The following GPATCH2 variants were observed in gnomAD, a reference collection of about 807,000 sequenced individuals.
GPATCH2 encodes G patch domain-containing protein 2.
In GPATCH2, 51 loss-of-function variants were observed where a neutral mutation model predicts 58.0. The ratio of observed to expected loss-of-function variants is 0.88; its 90% CI spans 0.70 to 1.11. The LOEUF (loss-of-function observed/expected upper bound fraction) is 1.11. GPATCH2 is among the 50% of genes most tolerant of loss of function. GPATCH2 has a pLI of 0.00. For synonymous variants in GPATCH2, 222 were observed against 218.5 expected, an observed-to-expected ratio of 1.02 and a Z score of -0.14; for missense variants, 625 against 652.2, an observed-to-expected ratio of 0.96 and a Z score of 0.45.
At chr1:217,454,857 C>T (rs186180016) in intron 8 of GPATCH2, among the ~76,000 whole-genome samples, 1 of 151,802 alleles carries the variant, frequency 6.6e-6, no homozygotes, top group Non-Finnish European at 1.5e-5. Context: ...TGGTCTCAAA[C>T]TCCTGACCTC....
chr1:217,455,425 C>A (rs1274261051), intron 8 of GPATCH2, among the ~76,000 whole-genome samples: 1 of 152,138 alleles, frequency 6.6e-6, no homozygotes, highest in Non-Finnish European at 1.5e-5. Context: ...TAACCTTCCA[C>A]CACATGTAGT....
rs757315065 is a variant in GPATCH2 at position 217,620,081 on chromosome 1, G to A, written c.475C>T (p.Arg159Cys). The A allele has an allele frequency of 4.8e-5, 78 of 1,613,804 alleles. No individual in the cohort carries two copies. The highest frequency in any genetic ancestry group is 6.0e-5 in the Non-Finnish European group (71 of 1,179,998). ...AVDNVGNRTL[R>C]RRRKVKRMAV... ...ATGCGTTTTACCTTTCTCCTCCTGC[G>A]CAGAGTTCTATTCCCAACATTGTCC... is the stretch of plus-strand genomic sequence containing the variant. The change falls in exon 2 of 10, where the codon CGC becomes TGC. Residue 159 changes from arginine (R) to cysteine (C), a missense_variant. Arg to Cys is a radical substitution (Grantham distance 180, BLOSUM62 -3). Coordinates refer to ENST00000366935, the MANE Select transcript of GPATCH2 (RefSeq NM_018040.5).
At chr1:217,515,155 G>T (rs1282735225) in intron 5 of GPATCH2, among the ~76,000 whole-genome samples, 4 of 150,936 alleles carry the variant, frequency 2.7e-5, no homozygotes, top group African/African-American at 9.8e-5. Flanking sequence ...GAGTGCAGCA[G>T]CGCGATCTCG....
At chr1:217,508,525 A>T (rs942235937) in intron 6 of GPATCH2, among the ~76,000 whole-genome samples, 10 of 152,158 alleles carry the variant, frequency 6.6e-5, no homozygotes, top group African/African-American at 2.2e-4. Flanking sequence ...ATTTATCTCT[A>T]TTTAAAAGCA....
At chr1:217,491,255 A>G (rs1249791071) in intron 8 of GPATCH2, among the ~76,000 whole-genome samples, 5 of 152,198 alleles carry the variant, frequency 3.3e-5, no homozygotes, top group African/African-American at 1.2e-4. Context: ...AATGAACAAG[A>G]TTATAAAAGC....
chr1:217,613,084 T>C (rs1350766182), intron 3 of GPATCH2, among the ~76,000 whole-genome samples: 1 of 152,038 alleles, frequency 6.6e-6, no homozygotes, highest in Non-Finnish European at 1.5e-5. Context: ...AATACAATCC[T>C]GAGAAAAGAT....
intron 9 of GPATCH2, among the ~76,000 whole-genome samples, chr1:217,445,158 T>TCA (rs1421560420): frequency 1.3e-5 from 2 of 152,162 alleles, no homozygotes; most frequent in African/African-American, 2.4e-5. Context: ...AAAAGGCATT[T>TCA]CACTTCTATA....
intron 5 of GPATCH2, among the ~76,000 whole-genome samples, chr1:217,586,043 A>G (rs1667324995): frequency 6.6e-6 from 1 of 152,194 alleles, no homozygotes; most frequent in Non-Finnish European, 1.5e-5. Flanking sequence ...CCATGAATGG[A>G]GCTTGCAGTA....
Position 217,430,849 on chromosome 1 carries a change from C to A in GPATCH2, c.*296G>T. 2.4e-6 allele frequency: 1 copy of A among 408,568 alleles called. No homozygotes were observed. Among genetic ancestry groups the A allele is most frequent in the East Asian group, 5.0e-5 (1 of 19,996 alleles). 25.3% of individuals were successfully genotyped at this position (408,568 alleles called of 1,614,324 possible). On this transcript the variant is annotated 3_prime_UTR_variant, in exon 10 of 10. Transcript: ENST00000366935. Reference sequence around the variant, plus strand: ...CACATACATGAATTAAGCAAAGCATCGGAAAGTATTGACACATGAGACTAA... The same window carrying A: ...CACATACATGAATTAAGCAAAGCATAGGAAAGTATTGACACATGAGACTAA...
At chr1:217,582,999 C>A (rs1339576325) in intron 5 of GPATCH2, among the ~76,000 whole-genome samples, 1 of 152,198 alleles carries the variant, frequency 6.6e-6, no homozygotes, top group Non-Finnish European at 1.5e-5. Context: ...GTCTCCTAAA[C>A]TCCATCTTGG....
intron 5 of GPATCH2, among the ~76,000 whole-genome samples, chr1:217,585,590 A>C (rs531618175): frequency 1.3e-5 from 2 of 152,346 alleles, no homozygotes; most frequent in African/African-American, 4.8e-5. Context: ...ACTGCACTCC[A>C]GCCTGGTGAC....
At chr1:217,502,981 T>A (rs561826790) in intron 6 of GPATCH2, among the ~76,000 whole-genome samples, 1 of 152,254 alleles carries the variant, frequency 6.6e-6, no homozygotes, top group South Asian at 2.1e-4. Context: ...TAGGTACAAA[T>A]CTCCAAGTGC....
At chr1:217,487,529 G>A (rs1432751495) in intron 8 of GPATCH2, among the ~76,000 whole-genome samples, 2 of 151,292 alleles carry the variant, frequency 1.3e-5, no homozygotes, top group African/African-American at 4.9e-5. Flanking sequence ...GGGTTCAGGC[G>A]ATTCTCCTGG....
At chr1:217,601,575 C>T (rs535009911) in intron 5 of GPATCH2, among the ~76,000 whole-genome samples, 3 of 152,080 alleles carry the variant, frequency 2.0e-5, no homozygotes, top group Admixed American at 6.6e-5. Context: ...AAAACCCATC[C>T]CACCAACTTC....
chr1:217,629,396 C>G lies in GPATCH2; in HGVS notation c.56+1520G>C, dbSNP rs1407365114. Among the ~76,000 whole-genome samples the G allele has an allele frequency of 2.6e-5, 4 of 152,122 alleles. No homozygotes were observed. The South Asian group carries it at 8.3e-4, about 32-fold the overall frequency. On this transcript the variant is annotated intron_variant, in intron 1 of 9. Coordinates refer to ENST00000366935, the MANE Select transcript of GPATCH2 (RefSeq NM_018040.5). Reference sequence around the variant, plus strand: ...AATGGTGAGTTGTATGACAAGCGAGCCTTTAAAGAGAATTGAAGGAGGTTT... The same window carrying G: ...AATGGTGAGTTGTATGACAAGCGAGGCTTTAAAGAGAATTGAAGGAGGTTT...
rs538366369 is a variant in GPATCH2, at chr1:217,428,729, A to T, written c.*2416T>A. 1 of 152,318 alleles carries T rather than the reference A, an allele frequency of 6.6e-6. No homozygotes were observed. The highest frequency in any genetic ancestry group is 2.4e-5 in the African/African-American group (1 of 41,566). The allele number at this position is 152,318 out of a possible 1,614,324, so 9.4% of individuals were successfully genotyped here. A position where few individuals can be genotyped will look rare whatever the true frequency, so the allele number is the denominator to read the frequency against. On this transcript the variant is annotated 3_prime_UTR_variant, in exon 10 of 10. Coordinates refer to ENST00000366935, the MANE Select transcript of GPATCH2 (RefSeq NM_018040.5). ...ATAGAGGGCTCTAGGTGTCAAGATG[A>T]AGAAGAACTGTCTTCTATTAGCTGA... is the stretch of plus-strand genomic sequence containing the variant.
chr1:217,575,869 ACTTT>A (rs1666780543), intron 5 of GPATCH2, among the ~76,000 whole-genome samples: 1 of 152,272 alleles, frequency 6.6e-6, no homozygotes, highest in East Asian at 1.9e-4. Flanking sequence ...GTTCCTACTT[ACTTT>A]TTGTGTTTTT....
At chr1:217,494,001 A>C (rs1254858310) in intron 7 of GPATCH2, among the ~76,000 whole-genome samples, 1 of 152,166 alleles carries the variant, frequency 6.6e-6, no homozygotes, top group Non-Finnish European at 1.5e-5. Context: ...TGAAAAATGC[A>C]ATTATAAGGA....
chr1:217,447,193 A>T (rs1449153954), intron 9 of GPATCH2, among the ~76,000 whole-genome samples: 1 of 152,236 alleles, frequency 6.6e-6, no homozygotes, highest in Non-Finnish European at 1.5e-5. Context: ...GAAGAGATAT[A>T]TTAGAAATAT....
Sources: gnomAD v4.1 joint callset for allele counts (sites outside exome capture counted in the v4.1 genomes callset) on GRCh38, gnomAD v4.1.1 for gene constraint, MANE v1.5 for transcripts, NCBI Gene and HGNC (gene_info 2026-07-23, HGNC 2026-07-21) for gene names.